The following NRG3 variants were observed in gnomAD, a reference collection of about 807,000 sequenced individuals.
NRG3 encodes pro-neuregulin-3, membrane-bound isoform.
NRG3 carries 31 observed loss-of-function variants against 66.9 expected under a neutral mutation model. That is an observed-to-expected ratio of 0.46 (90% CI 0.35 to 0.63). NRG3 has a LOEUF of 0.63. Ranked by LOEUF, NRG3 falls within the 20% of genes least tolerant of loss-of-function variation. The pLI, the probability that NRG3 is intolerant of heterozygous loss-of-function variation, is 0.00. For synonymous variants in NRG3, 393 were observed against 359.4 expected, an observed-to-expected ratio of 1.09 and a Z score of -1.06; for missense variants, 910 against 878.9, an observed-to-expected ratio of 1.04 and a Z score of -0.45.
At chr10:82,575,852 T>C (rs1447709435) in intron 2 of NRG3, among the ~76,000 whole-genome samples, 4 of 151,754 alleles carry the variant, frequency 2.6e-5, no homozygotes, top group Non-Finnish European at 2.9e-5. Flanking sequence ...GTTCAACGTA[T>C]GTCAAGAGCT....
chr10:82,982,729 T>G (rs917151028), intron 8 of NRG3, among the ~76,000 whole-genome samples: 1 of 152,202 alleles, frequency 6.6e-6, no homozygotes. Context: ...TGTCTGAGAT[T>G]CCAGAGCATA....
intron 8 of NRG3, among the ~76,000 whole-genome samples, chr10:82,981,650 C>T (rs2132672207): frequency 6.6e-6 from 1 of 152,302 alleles, no homozygotes; most frequent in East Asian, 1.9e-4. Flanking sequence ...TTGGCAAGAA[C>T]TTCAGCCCAG....
intron 1 of NRG3, among the ~76,000 whole-genome samples, chr10:82,316,549 G>C (rs1258373789): frequency 6.6e-6 from 1 of 152,138 alleles, no homozygotes; most frequent in South Asian, 2.1e-4. Context: ...ATGAAGGGGT[G>C]GGACCAGAAA....
intron 4 of NRG3, among the ~76,000 whole-genome samples, chr10:82,873,632 T>G (rs1841541140): frequency 6.6e-6 from 1 of 152,168 alleles, no homozygotes; most frequent in African/African-American, 2.4e-5. Context: ...AGCTATTTGT[T>G]AAGTGGTTAT....
At chr10:82,612,055 A>G (rs764567179) in intron 2 of NRG3, among the ~76,000 whole-genome samples, 1 of 152,158 alleles carries the variant, frequency 6.6e-6, no homozygotes, top group South Asian at 2.1e-4. Context: ...TGTTGGCTGC[A>G]TAAATGTCTT....
intron 4 of NRG3, among the ~76,000 whole-genome samples, chr10:82,908,219 C>A (rs903598209): frequency 6.6e-6 from 1 of 152,168 alleles, no homozygotes; most frequent in Non-Finnish European, 1.5e-5. Flanking sequence ...CATGGCCTGG[C>A]ACATGTAAGC....
intron 2 of NRG3, among the ~76,000 whole-genome samples, chr10:82,505,977 G>A (rs930493517): frequency 1.3e-5 from 2 of 152,228 alleles, no homozygotes; most frequent in East Asian, 1.9e-4. Flanking sequence ...GGCCAGGCGC[G>A]TGGCTCACGC....
At chr10:82,576,810 C>T (rs1246883249) in intron 2 of NRG3, among the ~76,000 whole-genome samples, 1 of 151,650 alleles carries the variant, frequency 6.6e-6, no homozygotes, top group African/African-American at 2.4e-5. Context: ...GTGTTTGAGA[C>T]ATAATAGGTT....
chr10:82,501,363 A>T (rs1183219058), intron 2 of NRG3, among the ~76,000 whole-genome samples: 1 of 152,280 alleles, frequency 6.6e-6, no homozygotes, highest in African/African-American at 2.4e-5. Flanking sequence ...ACCTTTTAAC[A>T]TAGAAGTTAG....
At chr10:81,915,496 G>GTTT (rs78693924) in intron 1 of NRG3, among the ~76,000 whole-genome samples, 18 of 130,726 alleles carry the variant, frequency 1.4e-4, no homozygotes, top group African/African-American at 3.4e-4. Flanking sequence ...CACTTCTTTA[G>GTTT]TTTTTTTTTT....
chr10:82,536,936 T>C (rs1847870360), intron 2 of NRG3, among the ~76,000 whole-genome samples: 1 of 151,696 alleles, frequency 6.6e-6, no homozygotes, highest in Non-Finnish European at 1.5e-5. Context: ...TATTAACTTA[T>C]TATTAAAGAT....
intron 1 of NRG3, among the ~76,000 whole-genome samples, chr10:82,181,857 G>A (rs2073442985): frequency 6.6e-6 from 1 of 151,712 alleles, no homozygotes; most frequent in Non-Finnish European, 1.5e-5. Flanking sequence ...GGTATTGAAA[G>A]GTTCTACTGT....
At chr10:82,035,673 C>T (rs925658120) in intron 1 of NRG3, among the ~76,000 whole-genome samples, 1 of 151,962 alleles carries the variant, frequency 6.6e-6, no homozygotes, top group African/African-American at 2.4e-5. Context: ...AAAAAATAGC[C>T]TCATAGGGGT....
At chr10:82,838,436 C>T (rs1037882957) in intron 3 of NRG3, among the ~76,000 whole-genome samples, 5 of 152,006 alleles carry the variant, frequency 3.3e-5, no homozygotes, top group Non-Finnish European at 7.4e-5. Flanking sequence ...ACAATAGATG[C>T]CCATCTCTTT....
intron 2 of NRG3, among the ~76,000 whole-genome samples, chr10:82,425,223 A>T (rs1232745143): frequency 2.0e-5 from 3 of 152,108 alleles, no homozygotes; most frequent in Non-Finnish European, 4.4e-5. Flanking sequence ...TCTGCTCATC[A>T]ACTTGGGGAC....
intron 1 of NRG3, among the ~76,000 whole-genome samples, chr10:82,215,883 AT>A (rs1413932015): frequency 2.6e-5 from 4 of 151,648 alleles, no homozygotes; most frequent in African/African-American, 4.9e-5. Context: ...AAATGTGTAA[AT>A]TCCTTACTAC....
At chr10:82,376,031 G>T (rs1490502138) in intron 2 of NRG3, among the ~76,000 whole-genome samples, 1 of 152,172 alleles carries the variant, frequency 6.6e-6, no homozygotes, top group East Asian at 1.9e-4. Context: ...AGTCCTTCAT[G>T]CCAGTGCCTC....
At chr10:82,646,047 A>G (rs1337640014) in intron 2 of NRG3, among the ~76,000 whole-genome samples, 1 of 152,164 alleles carries the variant, frequency 6.6e-6, no homozygotes, top group Non-Finnish European at 1.5e-5. Flanking sequence ...TTCATATGAC[A>G]CTTGACATAG....
At chr10:82,087,558 T>G (rs918470578) in intron 1 of NRG3, among the ~76,000 whole-genome samples, 1 of 152,118 alleles carries the variant, frequency 6.6e-6, no homozygotes, top group African/African-American at 2.4e-5. Flanking sequence ...GTGTTTAATT[T>G]GTTGCCCCAC....
Sources: allele counts gnomAD v4.1 joint callset (sites outside exome capture counted in the v4.1 genomes callset), GRCh38; gene constraint gnomAD v4.1.1; transcripts MANE v1.5; gene names NCBI Gene and HGNC (gene_info 2026-07-23, HGNC 2026-07-21).